CNNM2: variants seen among roughly 807,000 people sequenced by gnomAD.
The protein encoded by CNNM2 is metal transporter CNNM2.
CNNM2 carries 12 observed loss-of-function variants against 66.9 expected under a neutral mutation model. The observed-to-expected ratio is 0.18, with a 90% confidence interval of 0.11 to 0.29. The LOEUF (loss-of-function observed/expected upper bound fraction) is 0.29, where lower values mean the gene tolerates loss of function less well. Ranked by LOEUF, CNNM2 falls within the 10% of genes least tolerant of loss-of-function variation. The pLI is 1.00. For missense variants in CNNM2, 705 were observed against 1,167.7 expected (o/e 0.60, Z 5.77); for synonymous variants, 557 against 501.8 (o/e 1.11, Z -1.47).
chr10:102,991,506 C>G (rs985080789), intron 1 of CNNM2, among the ~76,000 whole-genome samples: 5 of 152,168 alleles, frequency 3.3e-5, no homozygotes, highest in Non-Finnish European at 7.3e-5. Context: ...CATCTGCTTT[C>G]CTCCATTACA....
intron 2 of CNNM2, among the ~76,000 whole-genome samples, chr10:103,052,711 A>G (rs1354155843): frequency 6.6e-6 from 1 of 152,034 alleles, no homozygotes; most frequent in African/African-American, 2.4e-5. Flanking sequence ...ACAAGGTTTC[A>G]CCATGTTGTT....
chr10:103,066,568 T>G (rs1186414840), intron 4 of CNNM2, among the ~76,000 whole-genome samples: 1 of 152,102 alleles, frequency 6.6e-6, no homozygotes, highest in East Asian at 1.9e-4. Context: ...CACTCCTCCC[T>G]GCAAACACAG....
rs1442282393 is a variant in CNNM2, at chr10:102,918,465, C to A, written c.-16C>A. ...CCGGGTTGAAAGGATGAAGCCGCAG[C>A]TGGAGCAGCCACCCTATGATTGGCT... On this transcript the variant is annotated 5_prime_UTR_variant, in exon 1 of 8. In the 5' UTR this introduces an upstream ATG that the reference lacks. Transcript: ENST00000369878. The surrounding 1 kb of genome is among the most constrained non-coding windows in gnomAD (Gnocchi z 4.1). The A allele has an allele frequency of 6.2e-7, 1 of 1,600,632 alleles. No homozygotes were observed. Among genetic ancestry groups the A allele is most frequent in the Admixed American group, 1.7e-5 (1 of 58,638 alleles).
intron 1 of CNNM2, among the ~76,000 whole-genome samples, chr10:102,924,695 C>T (rs1042480493): frequency 2.0e-5 from 3 of 151,406 alleles, no homozygotes; most frequent in African/African-American, 7.3e-5. Flanking sequence ...GTCTTGAACT[C>T]CTGGCCTCAA....
chr10:102,927,452 C>T lies in CNNM2; in HGVS notation c.1621+7351C>T, dbSNP rs1007614592. 8.1e-6 allele frequency: 13 copies of T among 1,608,268 alleles called. No homozygotes were observed. The Admixed American group carries it at 8.4e-5, about 10-fold the overall frequency. ...CATTGGCAACTCTAGGATGTCTATA[C>T]AGAGGGATAAAAAGGGGTGGCAGTT... On this transcript the variant is annotated intron_variant, in intron 1 of 7. Coordinates refer to ENST00000369878, the MANE Select transcript of CNNM2 (RefSeq NM_017649.5).
chr10:103,061,486 G>T (rs2134349017), intron 4 of CNNM2, among the ~76,000 whole-genome samples: 1 of 152,246 alleles, frequency 6.6e-6, no homozygotes, highest in Admixed American at 6.5e-5. Context: ...AACAGAGTCA[G>T]TGTTCTGTTG....
At chr10:103,019,974 A>T (rs973137898) in intron 1 of CNNM2, among the ~76,000 whole-genome samples, 5 of 152,172 alleles carry the variant, frequency 3.3e-5, no homozygotes, top group Admixed American at 2.0e-4. Flanking sequence ...ATTAGGTTCT[A>T]ATTGTTTTCC....
chr10:103,005,282 A>G (rs2064203592), intron 1 of CNNM2, among the ~76,000 whole-genome samples: 1 of 152,118 alleles, frequency 6.6e-6, no homozygotes, highest in Non-Finnish European at 1.5e-5. Context: ...TCTTAAGTAT[A>G]TGATTCGTTG....
In CNNM2 at chr10:102,918,510, A is replaced by G; in HGVS notation, c.30A>G (p.Lys10=). 6.2e-7 allele frequency: 1 copy of G among 1,607,246 alleles called. No individual in the cohort carries two copies. The highest frequency in any genetic ancestry group is 1.1e-5 in the South Asian group (1 of 90,338). Reference sequence around the variant, plus strand: ...TTGGCTGTGGCGCTTGTGAACCCAAAGTAAAGATGGCGGGCGGGCAGGCAG... The same window carrying G: ...TTGGCTGTGGCGCTTGTGAACCCAAGGTAAAGATGGCGGGCGGGCAGGCAG... MIGCGACEP[K]VKMAGGQAAA... The change falls in exon 1 of 8, where the codon AAA becomes AAG. Residue 10 remains lysine, a synonymous_variant. Coordinates refer to ENST00000369878, the MANE Select transcript of CNNM2 (RefSeq NM_017649.5). This position sits in a 1 kb window ranked among gnomAD's most constrained non-coding sequence, Gnocchi z 4.1.
In CNNM2 at chr10:103,087,015, C is replaced by T. The variant is rs2065823435; in HGVS notation, c.*9835C>T. ...AGTACATGCTGTAAGGTTGGGAGTT[C>T]AGTCTAGCAACCAAGAAGGGGTTGC... On this transcript the variant is annotated 3_prime_UTR_variant, in exon 8 of 8. Coordinates refer to ENST00000369878, the MANE Select transcript of CNNM2 (RefSeq NM_017649.5). 2 of 152,080 alleles carry T rather than the reference C, an allele frequency of 1.3e-5. No homozygotes were observed. Among genetic ancestry groups the T allele is most frequent in the Admixed American group, 1.3e-4 (2 of 15,260 alleles). 9.4% of individuals were successfully genotyped at this position (152,080 alleles called of 1,614,324 possible).
At chr10:103,052,053 G>A (rs1408738023) in intron 2 of CNNM2, among the ~76,000 whole-genome samples, 1 of 152,006 alleles carries the variant, frequency 6.6e-6, no homozygotes, top group African/African-American at 2.4e-5. Flanking sequence ...GAGGCAGGCG[G>A]ATCATGAGGT....
At chr10:103,007,961 G>A (rs867813216) in intron 1 of CNNM2, among the ~76,000 whole-genome samples, 1 of 152,142 alleles carries the variant, frequency 6.6e-6, no homozygotes, top group Non-Finnish European at 1.5e-5. Flanking sequence ...TTCCTCTGCC[G>A]CGGCTCCAGC....
Position 103,080,548 on chromosome 10 carries a change from T to C in CNNM2, c.*3368T>C, listed in dbSNP as rs982812836. On this transcript the variant is annotated 3_prime_UTR_variant, in exon 8 of 8. Transcript: ENST00000369878. ...TTTCCTCCCTCCTCACCTCACTCCC[T>C]GCAGGGAGTTCAATGCCATGTTGAA... The C allele has an allele frequency of 1.5e-4, 23 of 152,144 alleles. No individual in the cohort carries two copies. Among genetic ancestry groups the C allele is most frequent in the African/African-American group, 5.5e-4 (23 of 41,444 alleles). The allele number at this position is 152,144 out of a possible 1,614,324, so 9.4% of individuals were successfully genotyped here. A position where few individuals can be genotyped will look rare whatever the true frequency, so the allele number is the denominator to read the frequency against.
In CNNM2 at chr10:102,933,487, G is replaced by A. The variant is rs901271166; in HGVS notation, c.1621+13386G>A. The stretch of plus-strand genomic sequence containing the variant: ...TGTTGATCTTCTATCCTGCAACCTT[G>A]CAGAACTTGTTAGGTGACAAATGGT... On this transcript the variant is annotated intron_variant, in intron 1 of 7. Coordinates refer to ENST00000369878, the MANE Select transcript of CNNM2 (RefSeq NM_017649.5). Among the ~76,000 whole-genome samples, 3 of 152,100 alleles carry A rather than the reference G, an allele frequency of 2.0e-5. No homozygotes were observed. In the East Asian group the frequency reaches 5.8e-4, roughly 29 times the overall value.
intron 1 of CNNM2, among the ~76,000 whole-genome samples, chr10:102,974,668 G>C (rs1191487584): frequency 6.6e-6 from 1 of 151,948 alleles, no homozygotes; most frequent in Admixed American, 6.6e-5. Context: ...CCAGTAGCTG[G>C]GACTGTGGGT....
chr10:102,958,531 C>T lies in CNNM2; in HGVS notation c.1621+38430C>T, dbSNP rs1233781309. 1.3e-4 allele frequency among the ~76,000 whole-genome samples: 15 copies of T among 115,694 alleles called. No individual in the cohort carries two copies. The Admixed American group carries it at 1.8e-3, about 14-fold the overall frequency. 75.9% of individuals were successfully genotyped at this position (115,694 alleles called of 152,430 possible). A position where few individuals can be genotyped will look rare whatever the true frequency, so the allele number is the denominator to read the frequency against. On this transcript the variant is annotated intron_variant, in intron 1 of 7. Transcript: ENST00000369878. Reference sequence around the variant, plus strand: ...TGTCACCCAGGCTGGAGTGCAGTGGCGTGATCTTGGCTTGCTGCAACCTCC... The same window carrying T: ...TGTCACCCAGGCTGGAGTGCAGTGGTGTGATCTTGGCTTGCTGCAACCTCC...
chr10:103,067,976 G>A (rs1233883753), intron 4 of CNNM2, among the ~76,000 whole-genome samples: 1 of 152,238 alleles, frequency 6.6e-6, no homozygotes, highest in Non-Finnish European at 1.5e-5. Context: ...GTGAGACAGA[G>A]TGGGTTCTAC....
At chr10:102,978,400 C>T (rs188683066) in intron 1 of CNNM2, among the ~76,000 whole-genome samples, 1 of 151,992 alleles carries the variant, frequency 6.6e-6, no homozygotes, top group African/African-American at 2.4e-5. Context: ...TCCTTTATGA[C>T]TTCGATTCTC....
At chr10:102,993,850 C>G (rs2063939364) in intron 1 of CNNM2, among the ~76,000 whole-genome samples, 1 of 152,144 alleles carries the variant, frequency 6.6e-6, no homozygotes, top group South Asian at 2.1e-4. Flanking sequence ...AGCAGCTCAC[C>G]TGGCTTGGTG....
Sources: gnomAD v4.1 joint callset for allele counts (sites outside exome capture counted in the v4.1 genomes callset) on GRCh38, gnomAD v4.1.1 for gene constraint, Gnocchi (gnomAD v3.1) non-coding constraint, MANE v1.5 for transcripts, NCBI Gene and HGNC (gene_info 2026-07-23, HGNC 2026-07-21) for gene names.